Variants in KCNJ15 observed in about 807,000 individuals in gnomAD.
The protein encoded by KCNJ15 is ATP-sensitive inward rectifier potassium channel 15.
KCNJ15 carries 14 observed loss-of-function variants against 23.0 expected under a neutral mutation model. The ratio of observed to expected loss-of-function variants is 0.61; its 90% CI spans 0.40 to 0.95. The LOEUF is 0.95. KCNJ15 is among the 40% of genes least tolerant of loss of function. The pLI, the probability that KCNJ15 is intolerant of heterozygous loss-of-function variation, is 0.00. For missense variants in KCNJ15, 388 were observed against 461.8 expected (o/e 0.84, Z 1.46); for synonymous variants, 185 against 183.2 (o/e 1.01, Z -0.08).
At chr21:38,293,786 T>C (rs1984868190) in intron 1 of KCNJ15, among the ~76,000 whole-genome samples, 1 of 152,246 alleles carries the variant, frequency 6.6e-6, no homozygotes, top group Non-Finnish European at 1.5e-5. Flanking sequence ...AACCGAAGGA[T>C]TGCCCTCTGG....
intron 1 of KCNJ15, among the ~76,000 whole-genome samples, chr21:38,282,542 T>C (rs1007644411): frequency 1.3e-5 from 2 of 152,186 alleles, no homozygotes; most frequent in Admixed American, 6.5e-5. Flanking sequence ...TCTAATTGAA[T>C]TGTTCAAATC....
At position 38,249,780 on chromosome 21, in the gene KCNJ15, TA is replaced by T. The variant is rs1210916040; in HGVS notation, c.-398-7265del. Among the ~76,000 whole-genome samples the T allele has an allele frequency of 2.0e-5, 3 of 152,350 alleles. No individual in the cohort carries two copies. In the South Asian group the frequency reaches 6.2e-4, roughly 32 times the overall value. ...CAGTACCCTATTATTAGGCATTCTT[TA>T]TCATCTCTTTTTCAGCTGGAGTCTC... On this transcript the variant is annotated intron_variant, in intron 1 of 4. Coordinates refer to the KCNJ15 transcript ENST00000547341.
intron 1 of KCNJ15, among the ~76,000 whole-genome samples, chr21:38,290,906 T>C (rs1388653306): frequency 6.6e-6 from 1 of 151,898 alleles, no homozygotes; most frequent in African/African-American, 2.4e-5. Context: ...TACTCAAACT[T>C]TTTGATCCTT....
intron 1 of KCNJ15, among the ~76,000 whole-genome samples, chr21:38,290,356 A>AG (rs1984466819): frequency 2.0e-5 from 1 of 51,216 alleles, no homozygotes; most frequent in Non-Finnish European, 3.9e-5. Flanking sequence ...GATGGAAAAG[A>AG]ATTTTTTTTA....
In KCNJ15 at chr21:38,299,707, A is replaced by G; in HGVS notation, c.446A>G (p.Gln149Arg). 1.9e-6 allele frequency: 3 copies of G among 1,614,062 alleles called. No individual in the cohort carries two copies. Among genetic ancestry groups the G allele is most frequent in the Non-Finnish European group, 2.5e-6 (3 of 1,180,002 alleles). ...CATGCCATCTTCCTGTTGGTTGCTC[A>G]GTTGGTCATCACGACCTTGATTGAG... ...CPHAIFLLVA[Q>R]LVITTLIEIF... Residue 149 changes from glutamine (Q) to arginine (R), a missense_variant, in exon 3 of 3, where the codon CAG becomes CGG. By Grantham distance (43) the Gln-to-Arg change is conservative. Transcript: ENST00000398938. The surrounding 1 kb of genome is among the most constrained non-coding windows in gnomAD (Gnocchi z 4.5).
At chr21:38,295,096 G>A (rs568362538) in intron 1 of KCNJ15, among the ~76,000 whole-genome samples, 2 of 152,288 alleles carry the variant, frequency 1.3e-5, no homozygotes, top group South Asian at 4.1e-4. Flanking sequence ...CTCACTGGCA[G>A]CACTTGAGGC....
intron 1 of KCNJ15, among the ~76,000 whole-genome samples, chr21:38,277,140 A>G (rs2123666430): frequency 6.6e-6 from 1 of 152,224 alleles, no homozygotes; most frequent in Non-Finnish European, 1.5e-5. Context: ...CATGACTAAG[A>G]AGTTGACAAT....
At chr21:38,272,943 G>T (rs1982256418) in intron 1 of KCNJ15, among the ~76,000 whole-genome samples, 1 of 152,302 alleles carries the variant, frequency 6.6e-6, no homozygotes, top group Non-Finnish European at 1.5e-5. Flanking sequence ...AGTTGGTTAT[G>T]CCAAAGACTG....
At chr21:38,248,341 A>T (rs1464205320) in intron 1 of KCNJ15, among the ~76,000 whole-genome samples, 1 of 152,248 alleles carries the variant, frequency 6.6e-6, no homozygotes, top group Admixed American at 6.5e-5. Context: ...AAAGTTAACT[A>T]AGTGGCACAA....
In KCNJ15 at chr21:38,303,423, A is replaced by C. The variant is rs148436014; in HGVS notation, c.*3034A>C. ...GAGAAACCAGAGTCAACAGCAGTAA[A>C]TCAGTGTGCCCCACAAGCCACGTCT... On this transcript the variant is annotated 3_prime_UTR_variant, in exon 3 of 3. Transcript: ENST00000398938. The C allele has an allele frequency of 1.0e-3, 153 of 152,150 alleles. 1 individual carries two copies. Among genetic ancestry groups the C allele is most frequent in the African/African-American group, 3.4e-3 (143 of 41,528 alleles). 9.4% of individuals were successfully genotyped at this position (152,150 alleles called of 1,614,324 possible). A position where few individuals can be genotyped will look rare whatever the true frequency, so the allele number is the denominator to read the frequency against.
intron 1 of KCNJ15, among the ~76,000 whole-genome samples, chr21:38,244,112 C>A (rs188952834): frequency 1.1e-4 from 17 of 152,096 alleles, no homozygotes; most frequent in Non-Finnish European, 1.3e-4. Context: ...TTTTATTTCT[C>A]CTATTAATTT....
rs185547917 is a variant in KCNJ15 at position 38,279,724 on chromosome 21, T to C, written c.-116-17202T>C. Among the ~76,000 whole-genome samples, 203 of 152,286 alleles carry C rather than the reference T, an allele frequency of 1.3e-3. 2 individuals carry two copies. Among genetic ancestry groups the C allele is most frequent in the Middle Eastern group, 3.4e-3 (1 of 294 alleles). Reference sequence around the variant, plus strand: ...AAGCTCTTCTCCATATCATTGACTCTGCTCCCCAAAGCTTGGCTTTTAGTG... The same window carrying C: ...AAGCTCTTCTCCATATCATTGACTCCGCTCCCCAAAGCTTGGCTTTTAGTG... On this transcript the variant is annotated intron_variant, in intron 1 of 2. Coordinates refer to ENST00000398938, the MANE Select transcript of KCNJ15 (RefSeq NM_170736.3).
At chr21:38,231,127 A>C (rs966778307) in intron 1 of KCNJ15, among the ~76,000 whole-genome samples, 8 of 152,058 alleles carry the variant, frequency 5.3e-5, no homozygotes, top group Non-Finnish European at 1.2e-4. Flanking sequence ...AAAGTGTTAC[A>C]TTACAGCATC....
intron 1 of KCNJ15, among the ~76,000 whole-genome samples, chr21:38,262,750 T>A (rs1241709377): frequency 6.6e-6 from 1 of 151,750 alleles, no homozygotes; most frequent in Non-Finnish European, 1.5e-5. Flanking sequence ...GTGATCTTGG[T>A]TCACTGCAAC....
chr21:38,300,192 T>G lies in KCNJ15; in HGVS notation c.931T>G (p.Phe311Val). Residue 311 changes from phenylalanine to valine, a missense_variant, in exon 3 of 3, where the codon TTT (phenylalanine) becomes GTT (valine). Transcript: ENST00000398938. Reference sequence around the variant, plus strand: ...AGAGGAAATCTACTGGGGTTTTGAGTTTGTGCCTGTGGTATCTCTCTCCAA... The same window carrying G: ...AGAGGAAATCTACTGGGGTTTTGAGGTTGTGCCTGTGGTATCTCTCTCCAA... ...IPEEIYWGFEFVPVVSLSKNG... is the reference protein window; with the variant it reads ...IPEEIYWGFEVVPVVSLSKNG... The G allele has an allele frequency of 6.2e-7, 1 of 1,614,096 alleles. No homozygotes were observed.
chr21:38,277,365 G>T (rs993045239), intron 1 of KCNJ15, among the ~76,000 whole-genome samples: 1 of 152,120 alleles, frequency 6.6e-6, no homozygotes, highest in East Asian at 1.9e-4. Flanking sequence ...AGTAGGACCC[G>T]CAGTAATTTC....
At position 38,245,527 on chromosome 21, in the gene KCNJ15, C is replaced by T. The variant is rs568693012; in HGVS notation, c.-398-11519C>T. 2.4e-4 allele frequency among the ~76,000 whole-genome samples: 36 copies of T among 147,102 alleles called. 1 individual carries two copies. Among genetic ancestry groups the T allele is most frequent in the South Asian group, 8.5e-4 (4 of 4,692 alleles). ...TAAGACTGTATCTGAAACCAGGATA[C>T]GAGATCCTTATAAGTAATTCCATTT... On this transcript the variant is annotated intron_variant, in intron 1 of 4. Transcript: ENST00000547341.
chr21:38,277,429 G>A (rs1982836022), intron 1 of KCNJ15, among the ~76,000 whole-genome samples: 1 of 152,110 alleles, frequency 6.6e-6, no homozygotes. Context: ...AATGAATGAG[G>A]AGCTGATGTT....
chr21:38,299,332 C>G lies in KCNJ15; in HGVS notation c.71C>G (p.Ala24Gly), dbSNP rs1237504930. The G allele has an allele frequency of 6.2e-7, 1 of 1,614,014 alleles. No individual in the cohort carries two copies. Among genetic ancestry groups the G allele is most frequent in the Non-Finnish European group, 8.5e-7 (1 of 1,179,978 alleles). ...CACACTGCTGGGGCTGGGCTCAAGG[C>G]CAACAGACCCCGCGTCATGTCCAAG... ...VKHTAGAGLK[A>G]NRPRVMSKSG... The change falls in exon 3 of 3, where the codon GCC becomes GGC. Residue 24 changes from alanine to glycine, a missense_variant. Ala to Gly is a moderately conservative substitution (Grantham distance 60, BLOSUM62 0). Coordinates refer to ENST00000398938, the MANE Select transcript of KCNJ15 (RefSeq NM_170736.3). The surrounding 1 kb of genome is among the most constrained non-coding windows in gnomAD (Gnocchi z 4.5).
Sources: allele counts gnomAD v4.1 joint callset (sites outside exome capture counted in the v4.1 genomes callset), GRCh38; gene constraint gnomAD v4.1.1; non-coding constraint Gnocchi (gnomAD v3.1); transcripts MANE v1.5; gene names NCBI Gene and HGNC (gene_info 2026-07-23, HGNC 2026-07-21).